Variants in SLC35D4 observed in about 807,000 individuals in gnomAD.
SLC35D4 encodes solute carrier family 35 member D4.
the SLC35D4 span, among the ~76,000 whole-genome samples, chr18:23,264,651 G>A: frequency 6.6e-6 from 1 of 152,012 alleles, no homozygotes; most frequent in Admixed American, 6.6e-5. Flanking sequence ...ATGAGCCACC[G>A]TGCCCAGCCG....
chr18:23,253,835 C>T, the SLC35D4 span: 2 of 1,614,228 alleles, frequency 1.2e-6, no homozygotes, highest in South Asian at 1.1e-5. Flanking sequence ...CAAGGGGAAA[C>T]TCAACAAACA....
the SLC35D4 span, among the ~76,000 whole-genome samples, chr18:23,330,193 T>TA: frequency 3.3e-5 from 5 of 149,706 alleles, no homozygotes; most frequent in South Asian, 2.1e-4. Context: ...ACCTAAAGTA[T>TA]AAAAAAAAAG....
chr18:23,353,686 T>G, the SLC35D4 span, among the ~76,000 whole-genome samples: 22 of 152,296 alleles, frequency 1.4e-4, no homozygotes, highest in Non-Finnish European at 3.1e-4. Context: ...TGAACAGCTA[T>G]GGATTAAGAT....
the SLC35D4 span, among the ~76,000 whole-genome samples, chr18:23,401,477 T>A: frequency 6.6e-6 from 1 of 152,214 alleles, no homozygotes; most frequent in Non-Finnish European, 1.5e-5. Context: ...GAAGATCCCA[T>A]CCTCCATTGC....
At chr18:23,410,012 T>C in the SLC35D4 span, among the ~76,000 whole-genome samples, 1 of 152,154 alleles carries the variant, frequency 6.6e-6, no homozygotes, top group Non-Finnish European at 1.5e-5. Flanking sequence ...GTAGGTTATG[T>C]GCAAATACTG....
chr18:23,430,256 T>G, the SLC35D4 span, among the ~76,000 whole-genome samples: 2 of 140,980 alleles, frequency 1.4e-5, no homozygotes, highest in Non-Finnish European at 3.1e-5. Context: ...ATTTTTTTTT[T>G]GTAGACAGTG....
chr18:23,265,589 G>C, the SLC35D4 span, among the ~76,000 whole-genome samples: 38 of 149,974 alleles, frequency 2.5e-4, no homozygotes, highest in African/African-American at 9.1e-4. Flanking sequence ...AAGGAAAAAA[G>C]TTTGGCTACA....
chr18:23,249,284 C>T, the SLC35D4 span, among the ~76,000 whole-genome samples: 2 of 152,188 alleles, frequency 1.3e-5, no homozygotes, highest in Non-Finnish European at 2.9e-5. Context: ...AACAGGGCAT[C>T]CCAGGAGGAG....
chr18:23,351,754 T>C, the SLC35D4 span, among the ~76,000 whole-genome samples: 4 of 152,230 alleles, frequency 2.6e-5, no homozygotes, highest in East Asian at 1.9e-4. Flanking sequence ...TGTTTCTTTG[T>C]GGTTCCCCCA....
the SLC35D4 span, among the ~76,000 whole-genome samples, chr18:23,327,364 G>A: frequency 6.6e-6 from 1 of 151,872 alleles, no homozygotes; most frequent in Admixed American, 6.6e-5. Context: ...ATGATAAAGG[G>A]GATATCACCA....
At chr18:23,427,371 C>T in the SLC35D4 span, among the ~76,000 whole-genome samples, 2 of 152,154 alleles carry the variant, frequency 1.3e-5, no homozygotes, top group African/African-American at 4.8e-5. Flanking sequence ...TATGAACAGA[C>T]ACTTCTCAAA....
the SLC35D4 span, among the ~76,000 whole-genome samples, chr18:23,386,740 AAG>A: frequency 1.3e-5 from 2 of 151,186 alleles, no homozygotes; most frequent in Admixed American, 6.6e-5. Flanking sequence ...AAAAAAAAAA[AAG>A]GAGAAAATAT....
At chr18:23,265,444 G>A in the SLC35D4 span, among the ~76,000 whole-genome samples, 1 of 151,912 alleles carries the variant, frequency 6.6e-6, no homozygotes, top group Non-Finnish European at 1.5e-5. Context: ...CATCAAGTAC[G>A]GGCAATCTGG....
At chr18:23,281,483 CA>C in the SLC35D4 span, among the ~76,000 whole-genome samples, 1 of 152,050 alleles carries the variant, frequency 6.6e-6, no homozygotes, top group Non-Finnish European at 1.5e-5. Context: ...CAACCACGCC[CA>C]ACTAATTTTT....
At chr18:23,299,413 G>A in the SLC35D4 span, among the ~76,000 whole-genome samples, 3 of 152,286 alleles carry the variant, frequency 2.0e-5, no homozygotes, top group East Asian at 5.8e-4. Flanking sequence ...TCTAGTGAGG[G>A]GCACGTCCTG....
chr18:23,246,611 TC>T, the SLC35D4 span, among the ~76,000 whole-genome samples: 1 of 151,844 alleles, frequency 6.6e-6, no homozygotes, highest in Non-Finnish European at 1.5e-5. Flanking sequence ...CAGGATGGTC[TC>T]GATCTCCTGA....
At chr18:23,244,968 G>A in the SLC35D4 span, among the ~76,000 whole-genome samples, 2 of 152,202 alleles carry the variant, frequency 1.3e-5, no homozygotes, top group Non-Finnish European at 2.9e-5. Flanking sequence ...GCCCTAGAGC[G>A]GAAGTACCTT....
At chr18:23,366,899 G>C in the SLC35D4 span, among the ~76,000 whole-genome samples, 2 of 152,204 alleles carry the variant, frequency 1.3e-5, no homozygotes, top group Admixed American at 6.5e-5. Context: ...AGACAGGGCT[G>C]CATGTAGCTA....
At chr18:23,411,505 G>GAAAGA in the SLC35D4 span, among the ~76,000 whole-genome samples, 1 of 148,320 alleles carries the variant, frequency 6.7e-6, no homozygotes, top group South Asian at 2.2e-4. Context: ...AAGAAAGAAA[G>GAAAGA]AAAGAAAGAA....
Sources: allele counts gnomAD v4.1 joint callset (sites outside exome capture counted in the v4.1 genomes callset), GRCh38; gene constraint gnomAD v4.1.1; transcripts MANE v1.5; gene names NCBI Gene and HGNC (gene_info 2026-07-23, HGNC 2026-07-21).